Variants in CHD6 observed in about 807,000 individuals in gnomAD.
CHD6 encodes ATP-dependent chromatin remodeler CHD6.
A neutral mutation model predicts 276.9 loss-of-function variants in CHD6; 50 were observed. The observed-to-expected ratio is 0.18, with a 90% CI of 0.14 to 0.23. CHD6 has a LOEUF of 0.23. Among genes scored for constraint, CHD6 ranks in the 10% least tolerant of loss-of-function variants. CHD6 has a pLI of 1.00. For missense variants in CHD6, 2,564 were observed against 3,365.8 expected (o/e 0.76, Z 5.89); for synonymous variants, 1,173 against 1,229.3 (o/e 0.95, Z 0.96).
chr20:41,418,920 C>T (rs2047091101), intron 31 of CHD6, among the ~76,000 whole-genome samples: 1 of 152,220 alleles, frequency 6.6e-6, no homozygotes, highest in African/African-American at 2.4e-5. Context: ...CATCAAAGGA[C>T]ACCAGTTCAG....
chr20:41,472,751 T>G lies in CHD6; in HGVS notation c.2664+571A>C, dbSNP rs144289023. On this transcript the variant is annotated intron_variant, in intron 17 of 36. Coordinates refer to ENST00000373233, the MANE Select transcript of CHD6 (RefSeq NM_032221.5). ...AATATATCAACTCCAATCTTTGCAG[T>G]AATCTTTTAAAGCCACCGGTTATTT... Among the ~76,000 whole-genome samples the G allele has an allele frequency of 1.6e-3, 238 of 152,332 alleles. 2 individuals carry two copies. The highest frequency in any genetic ancestry group is 5.4e-3 in the African/African-American group (224 of 41,566).
intron 1 of CHD6, among the ~76,000 whole-genome samples, chr20:41,600,730 T>A (rs141707062): frequency 2.6e-5 from 4 of 152,238 alleles, no homozygotes; most frequent in Admixed American, 6.5e-5. Context: ...TATTTTCATA[T>A]AAGGGAAGAA....
chr20:41,417,055 A>T (rs1231862658), intron 32 of CHD6, 143 bp downstream of exon 32: 2 of 809,478 alleles, frequency 2.5e-6, no homozygotes, highest in Non-Finnish European at 3.8e-6. Context: ...TTTAATGTTC[A>T]AATGCTACAT....
chr20:41,529,193 T>C (rs1038644786), intron 3 of CHD6, among the ~76,000 whole-genome samples: 2 of 152,240 alleles, frequency 1.3e-5, no homozygotes, highest in East Asian at 3.8e-4. Flanking sequence ...TATTACCTAC[T>C]GTTATATAAC....
chr20:41,437,384 C>T (rs773376174), intron 26 of CHD6, 50 bp from the exon 27 acceptor site: 1 of 1,376,996 alleles, frequency 7.3e-7, no homozygotes, highest in East Asian at 2.3e-5. Flanking sequence ...TCCCCCTTAT[C>T]CACAGTTTCA....
At chr20:41,556,320 G>GGGAGAC (rs2045236549) in intron 1 of CHD6, among the ~76,000 whole-genome samples, 1 of 129,454 alleles carries the variant, frequency 7.7e-6, no homozygotes, top group Non-Finnish European at 1.6e-5. Context: ...GAGAGGGAGA[G>GGGAGAC]GGCACCTTTT....
At chr20:41,506,477 C>A (rs1325282314) in intron 5 of CHD6, among the ~76,000 whole-genome samples, 2 of 152,174 alleles carry the variant, frequency 1.3e-5, no homozygotes, top group African/African-American at 4.8e-5. Context: ...CTCTCCTTTA[C>A]CTCCTTCAAT....
At chr20:41,542,747 T>C (rs1267579118) in intron 2 of CHD6, among the ~76,000 whole-genome samples, 1 of 152,004 alleles carries the variant, frequency 6.6e-6, no homozygotes, top group Non-Finnish European at 1.5e-5. Flanking sequence ...TTCTTTTATA[T>C]ATCTCAGCCT....
At chr20:41,410,307 C>T (rs554159576) in intron 36 of CHD6, among the ~76,000 whole-genome samples, 16 of 152,162 alleles carry the variant, frequency 1.1e-4, no homozygotes, top group Admixed American at 4.6e-4. Flanking sequence ...TTCCTCCATG[C>T]GAGGGCACAG....
chr20:41,416,776 G>T lies in CHD6; in HGVS notation c.6298C>A (p.Arg2100Ser). 1 of 1,590,080 alleles carries T rather than the reference G, an allele frequency of 6.3e-7. No individual in the cohort carries two copies. The highest frequency in any genetic ancestry group is 8.6e-7 in the Non-Finnish European group (1 of 1,165,774). The change falls in exon 33 of 37, where the codon CGC becomes AGC. Residue 2100 changes from arginine (R) to serine (S), a missense_variant. Around this residue, in one of 7 missense-constraint regions of CHD6, gnomAD observed 1,024 missense variants for 1,047.9 expected, o/e 0.98. Transcript: ENST00000373233. The stretch of plus-strand genomic sequence containing the variant: ...ACCACGTGGCAGATATTATCTAGGC[G>T]GTTAATTATCACGCGGTCCTAGAAA... Reference protein sequence around the residue: ...EWPKDRVIINRLDNICHVVLK... With the variant: ...EWPKDRVIINSLDNICHVVLK...
chr20:41,542,884 C>T (rs2044971717), intron 2 of CHD6, among the ~76,000 whole-genome samples: 2 of 151,986 alleles, frequency 1.3e-5, no homozygotes, highest in African/African-American at 4.8e-5. Flanking sequence ...GCGGGTGGAT[C>T]ACAAGGTCAG....
intron 1 of CHD6, among the ~76,000 whole-genome samples, chr20:41,555,999 C>G (rs571417298): frequency 6.6e-5 from 10 of 152,346 alleles, no homozygotes; most frequent in African/African-American, 2.2e-4. Context: ...TCTGCAATCC[C>G]GGCACCTCGG....
chr20:41,579,951 C>T (rs2045518961), intron 1 of CHD6, among the ~76,000 whole-genome samples: 1 of 152,126 alleles, frequency 6.6e-6, no homozygotes, highest in South Asian at 2.1e-4. Flanking sequence ...TTTTAAAGTA[C>T]ATTTACAGCA....
Position 41,473,270 on chromosome 20 carries a change from T to C in CHD6, c.2664+52A>G, listed in dbSNP as rs188699738. 2 of 1,551,484 alleles carry C rather than the reference T, an allele frequency of 1.3e-6. No individual in the cohort carries two copies. Among genetic ancestry groups the C allele is most frequent in the East Asian group, 2.3e-5 (1 of 44,424 alleles). Reference sequence around the variant, plus strand: ...GTAGCCAAGCCAGGCCCTATCATGATGTTCTGGGATCCAGGGCAGCTAAGG... The same window carrying C: ...GTAGCCAAGCCAGGCCCTATCATGACGTTCTGGGATCCAGGGCAGCTAAGG... On this transcript the variant is annotated intron_variant, in intron 17 of 36. Coordinates refer to ENST00000373233, the MANE Select transcript of CHD6 (RefSeq NM_032221.5). The surrounding 1 kb of genome is among the most constrained non-coding windows in gnomAD (Gnocchi z 4.1).
chr20:41,411,037 C>T lies in CHD6; in HGVS notation c.7251+1107G>A, dbSNP rs754394594. Among the ~76,000 whole-genome samples the T allele has an allele frequency of 4.5e-4, 69 of 151,962 alleles. 1 individual carries two copies. The highest frequency in any genetic ancestry group is 7.2e-4 in the Non-Finnish European group (49 of 67,986). ...AAGTGGAAGAAAGTGAGGGAAGAGT[C>T]CTAAGAAAAGGGTAGAAGGGACATT... On this transcript the variant is annotated intron_variant, in intron 36 of 36. Coordinates refer to ENST00000373233, the MANE Select transcript of CHD6 (RefSeq NM_032221.5).
intron 11 of CHD6, among the ~76,000 whole-genome samples, chr20:41,491,427 T>C (rs2043551702): frequency 6.6e-6 from 1 of 151,590 alleles, no homozygotes. Flanking sequence ...CTGGATTTTG[T>C]TTCATCTAGA....
At chr20:41,406,359 C>T (rs2046674295) in intron 36 of CHD6, among the ~76,000 whole-genome samples, 1 of 152,248 alleles carries the variant, frequency 6.6e-6, no homozygotes, top group Admixed American at 6.5e-5. Flanking sequence ...CACACTGTGA[C>T]AGGACCTGGG....
At chr20:41,505,281 C>G (rs2043949963) in intron 5 of CHD6, among the ~76,000 whole-genome samples, 1 of 152,178 alleles carries the variant, frequency 6.6e-6, no homozygotes, top group Non-Finnish European at 1.5e-5. Context: ...TATGAAATTT[C>G]AATCTGCCTT....
intron 1 of CHD6, among the ~76,000 whole-genome samples, chr20:41,574,650 A>C (rs553814345): frequency 6.6e-6 from 1 of 152,250 alleles, no homozygotes; most frequent in Non-Finnish European, 1.5e-5. Flanking sequence ...TCTAAAGAAT[A>C]TGCAGAACGA....
Sources: gnomAD v4.1 joint callset for allele counts (sites outside exome capture counted in the v4.1 genomes callset) on GRCh38, gnomAD v4.1.1 for gene constraint, gnomAD v4.1.1 regional missense constraint, Gnocchi (gnomAD v3.1) non-coding constraint, MANE v1.5 for transcripts, NCBI Gene and HGNC (gene_info 2026-07-23, HGNC 2026-07-21) for gene names.